Variants in CCDC66 observed in about 807,000 individuals in gnomAD.
CCDC66 encodes the protein coiled-coil domain containing 66, also known as coiled-coil domain-containing protein 66.
A neutral mutation model predicts 128.3 loss-of-function variants in CCDC66; 133 were observed. The ratio of observed to expected loss-of-function variants is 1.04; its 90% CI spans 0.90 to 1.20. The LOEUF (loss-of-function observed/expected upper bound fraction) is 1.20. Among genes scored for constraint, CCDC66 ranks in the 50% most tolerant of loss-of-function variants. CCDC66 has a pLI of 0.00. For missense variants in CCDC66, 1,126 were observed against 1,075.5 expected, an observed-to-expected ratio of 1.05 and a Z score of -0.66; for synonymous variants, 387 against 357.0, an observed-to-expected ratio of 1.08 and a Z score of -0.95.
In CCDC66 at chr3:56,613,664, CAAG is replaced by C. The variant is rs767806017; in HGVS notation, c.1485_1487del (p.Glu497del). Reference sequence around the variant, plus strand: ...GGAAGAGCAAAGAAAGAAGGAAGAACAAGAAGAGGAGCTTCGCTTAGCACAGGA... The same window carrying C: ...GGAAGAGCAAAGAAAGAAGGAAGAACAAGAGGAGCTTCGCTTAGCACAGGA... On this transcript the variant is annotated inframe_deletion, in exon 11 of 18. Coordinates refer to ENST00000394672, the MANE Select transcript of CCDC66 (RefSeq NM_001141947.3). The C allele has an allele frequency of 4.3e-6, 7 of 1,613,802 alleles. No homozygotes were observed. The highest frequency in any genetic ancestry group is 4.5e-5 in the East Asian group (2 of 44,880).
intron 7 of CCDC66, among the ~76,000 whole-genome samples, chr3:56,587,888 TAAAA>T (rs1356520485): frequency 6.6e-6 from 1 of 151,852 alleles, no homozygotes; most frequent in Non-Finnish European, 1.5e-5. Flanking sequence ...AAAATAAAAA[TAAAA>T]AAAGAACCAA....
At position 56,616,054 on chromosome 3, in the gene CCDC66, G is replaced by GT; in HGVS notation, c.1843+2dup. 6.3e-7 allele frequency: 1 copy of GT among 1,578,362 alleles called. No individual in the cohort carries two copies. Among genetic ancestry groups the GT allele is most frequent in the Non-Finnish European group, 8.6e-7 (1 of 1,165,994 alleles). On this transcript the variant is annotated splice_donor_variant, in intron 13 of 17. Transcript: ENST00000394672. LOFTEE classifies it high-confidence loss of function. ...AAGAAGGATACTGGTGTGCAAACAG[G>GT]TATTTGTGTGGAAATTGTGGTTTGG...
In CCDC66 at chr3:56,566,759, T is replaced by C. The variant is rs2065912049; in HGVS notation, c.710T>C (p.Ile237Thr). ...TSKQCEQKIA[I>T]ENEWKPADIF... ...AAACAGTGTGAGCAAAAAATTGCCA[T>C]GTATGTAACTCCTATCTGTTGTTAT... Residue 237 changes from isoleucine (I) to threonine (T), a missense_variant and splice_region_variant, in exon 5 of 18, where the codon ATA (isoleucine) becomes ACA (threonine). Transcript: ENST00000394672. 3 of 1,609,008 alleles carry C rather than the reference T, an allele frequency of 1.9e-6. No homozygotes were observed. The Admixed American group carries it at 5.1e-5, about 27-fold the overall frequency.
rs1157245493 is a variant in CCDC66 at position 56,617,390 on chromosome 3, C to A, written c.2122C>A (p.Pro708Thr). 6.2e-7 allele frequency: 1 copy of A among 1,613,712 alleles called. No individual in the cohort carries two copies. The highest frequency in any genetic ancestry group is 2.2e-5 in the East Asian group (1 of 44,852). Reference protein sequence around the residue: ...PKRPDWNINKPPKRYIPASEK... With the variant: ...PKRPDWNINKTPKRYIPASEK... ...AAGGCCTGATTGGAATATAAATAAG[C>A]CACCTAAAAGGTATATTCCAGCATC... is the stretch of plus-strand genomic sequence containing the variant. The change falls in exon 14 of 18, where the codon CCA becomes ACA. Residue 708 changes from proline (P) to threonine (T), a missense_variant. By Grantham distance (38) the Pro-to-Thr change is conservative. Coordinates refer to ENST00000394672, the MANE Select transcript of CCDC66 (RefSeq NM_001141947.3).
At chr3:56,574,552 C>G (rs1230798285) in intron 7 of CCDC66, among the ~76,000 whole-genome samples, 1 of 151,704 alleles carries the variant, frequency 6.6e-6, no homozygotes. Flanking sequence ...TCTAGTTAGT[C>G]TCTCCATATA....
intron 7 of CCDC66, 195 bp downstream of exon 7, chr3:56,571,497 T>A (rs1209979365): frequency 3.9e-5 from 15 of 380,166 alleles, no homozygotes; most frequent in Non-Finnish European, 7.2e-5. Flanking sequence ...TTCTCCTGCC[T>A]CAGCCTCCCG....
chr3:56,606,313 C>T (rs952041063), intron 10 of CCDC66, among the ~76,000 whole-genome samples: 2 of 151,994 alleles, frequency 1.3e-5, no homozygotes, highest in Non-Finnish European at 2.9e-5. Flanking sequence ...TTCCAGGCAC[C>T]ACTGGGGTAT....
intron 7 of CCDC66, among the ~76,000 whole-genome samples, chr3:56,590,204 G>A (rs1394003024): frequency 4.6e-5 from 7 of 152,292 alleles, no homozygotes; most frequent in African/African-American, 1.7e-4. Context: ...TCAACACTGA[G>A]TGTTCTTTCC....
intron 4 of CCDC66, 100 bp from the exon 5 acceptor site, chr3:56,566,494 A>G: frequency 1.4e-6 from 1 of 699,172 alleles, no homozygotes; most frequent in South Asian, 2.7e-5. Context: ...GAGTTAATTT[A>G]AGTAACGTGT....
intron 4 of CCDC66, among the ~76,000 whole-genome samples, chr3:56,565,968 T>G (rs1201085448): frequency 6.6e-6 from 1 of 152,110 alleles, no homozygotes; most frequent in Admixed American, 6.6e-5. Context: ...GCCTGGCCAG[T>G]TTTTATTTTT....
chr3:56,587,240 G>A (rs1347294219), intron 7 of CCDC66, among the ~76,000 whole-genome samples: 1 of 151,824 alleles, frequency 6.6e-6, no homozygotes, highest in African/African-American at 2.4e-5. Flanking sequence ...TAATTTATTA[G>A]GCTATAAAAG....
chr3:56,619,212 G>A, intron 15 of CCDC66, 59 bp from the exon 16 acceptor site: 1 of 1,317,232 alleles, frequency 7.6e-7, no homozygotes. Context: ...AGTGAAATGT[G>A]ATTAAAGAGA....
chr3:56,564,171 G>A (rs2065479474), intron 4 of CCDC66, 46 bp downstream of exon 4: 12 of 1,441,378 alleles, frequency 8.3e-6, no homozygotes, highest in Non-Finnish European at 1.1e-5. Context: ...TTTTCAATAT[G>A]TGTTTTAGAA....
At chr3:56,559,661 G>A in intron 3 of CCDC66, 67 bp downstream of exon 3, 1 of 1,161,068 alleles carries the variant, frequency 8.6e-7, no homozygotes, top group East Asian at 2.8e-5. Context: ...ATAGTGGTTA[G>A]AAAATAATTC....
In CCDC66 at chr3:56,579,602, A is replaced by G. The variant is rs371423980; in HGVS notation, c.936+8300A>G. ...TTGAATGTGTCCCAGAGATTCTGGT[A>G]TGTTGTGTCTTTGTTCTCATGGTTT... On this transcript the variant is annotated intron_variant, in intron 7 of 17. Coordinates refer to ENST00000394672, the MANE Select transcript of CCDC66 (RefSeq NM_001141947.3). Among the ~76,000 whole-genome samples the G allele has an allele frequency of 7.2e-4, 90 of 124,956 alleles. 4 individuals are homozygous for G. In the East Asian group the frequency reaches 0.02, roughly 28 times the overall value. The allele number at this position is 124,956 out of a possible 152,430, so 82.0% of individuals were successfully genotyped here.
chr3:56,596,651 G>T (rs548448456), intron 10 of CCDC66, among the ~76,000 whole-genome samples: 10 of 151,810 alleles, frequency 6.6e-5, no homozygotes, highest in African/African-American at 2.4e-4. Flanking sequence ...TGTTTTTGAG[G>T]TCTCGACCAC....
chr3:56,565,249 G>T, intron 4 of CCDC66: 1 of 231,318 alleles, frequency 4.3e-6, no homozygotes, highest in Non-Finnish European at 9.2e-6. Flanking sequence ...TTTAGGTTGT[G>T]ATTTGTGTTA....
rs751636177 is a variant in CCDC66 at position 56,593,644 on chromosome 3, T to A, written c.1222T>A (p.Cys408Ser). 2 of 1,614,226 alleles carry A rather than the reference T, an allele frequency of 1.2e-6. No homozygotes were observed. Among genetic ancestry groups the A allele is most frequent in the South Asian group, 2.2e-5 (2 of 91,086 alleles). Residue 408 changes from cysteine (C) to serine (S), a missense_variant, in exon 9 of 18, where the codon TGT becomes AGT. Physicochemically the swap from Cys to Ser is moderately radical, Grantham distance 112. Coordinates refer to ENST00000394672, the MANE Select transcript of CCDC66 (RefSeq NM_001141947.3). ...GGAGCTGGCTGATGTCAGCAGTGTT[T>A]GTACACCTACAACCGGAAGCCAGGT... Reference protein sequence around the residue: ...TQELADVSSVCTPTTGSQVEP... With the variant: ...TQELADVSSVSTPTTGSQVEP...
chr3:56,563,651 G>T, intron 3 of CCDC66, 33 bp from the exon 4 acceptor site: 2 of 1,479,978 alleles, frequency 1.4e-6, no homozygotes, highest in Non-Finnish European at 9.1e-7. Flanking sequence ...TTCTTGGACA[G>T]TTATAAAGAA....
Sources: gnomAD v4.1 joint callset for allele counts (sites outside exome capture counted in the v4.1 genomes callset) on GRCh38, gnomAD v4.1.1 for gene constraint, MANE v1.5 for transcripts, NCBI Gene and HGNC (gene_info 2026-07-23, HGNC 2026-07-21) for gene names.